Variants in TMEM132D observed in about 807,000 individuals in gnomAD.
TMEM132D encodes the protein transmembrane protein 132D.
In TMEM132D, 21 loss-of-function variants were observed where a neutral mutation model predicts 62.3. The ratio of observed to expected loss-of-function variants is 0.34; its 90% CI spans 0.24 to 0.49. The LOEUF is 0.49. Among genes scored for constraint, TMEM132D ranks in the 20% least tolerant of loss-of-function variants. The probability of loss-of-function intolerance (pLI) is 0.99; values close to 1 mark genes in which losing one functional copy is unlikely to be tolerated. For synonymous variants in TMEM132D, 621 were observed against 575.6 expected, an observed-to-expected ratio of 1.08 and a Z score of -1.13; for missense variants, 1,346 against 1,402.8, an observed-to-expected ratio of 0.96 and a Z score of 0.65.
chr12:129,687,437 T>C (rs766449361), intron 2 of TMEM132D, among the ~76,000 whole-genome samples: 3 of 151,916 alleles, frequency 2.0e-5, no homozygotes, highest in Non-Finnish European at 4.4e-5. Context: ...GCTCCCGGAA[T>C]TATCTGAGGA....
At position 129,078,741 on chromosome 12, in the gene TMEM132D, G is replaced by A. The variant is rs370931046; in HGVS notation, c.1924-16C>T. On this transcript the variant is annotated splice_polypyrimidine_tract_variant and intron_variant, in intron 7 of 8. Transcript: ENST00000422113. ...GAGACAGGATCTGGAGGGCAGAAGC[G>A]ACATGACAAGGAAAGGCTTTCTGTG... 1.1e-5 allele frequency: 18 copies of A among 1,608,578 alleles called. No individual in the cohort carries two copies. The East Asian group carries it at 1.6e-4, about 14-fold the overall frequency.
At chr12:129,338,648 C>T (rs961073524) in intron 3 of TMEM132D, among the ~76,000 whole-genome samples, 8 of 152,168 alleles carry the variant, frequency 5.3e-5, no homozygotes, top group African/African-American at 7.2e-5. Flanking sequence ...CAGAGGAATC[C>T]GCTGAGAGAG....
chr12:129,541,897 A>G (rs771577289), intron 2 of TMEM132D, among the ~76,000 whole-genome samples: 3 of 152,138 alleles, frequency 2.0e-5, no homozygotes, highest in Non-Finnish European at 2.9e-5. Flanking sequence ...ATAAAATTTT[A>G]CCCCTTTTCC....
In TMEM132D at chr12:129,614,313, G is replaced by A. The variant is rs117364321; in HGVS notation, c.969-83108C>T. Among the ~76,000 whole-genome samples, 1,060 of 152,364 alleles carry A rather than the reference G, an allele frequency of 7.0e-3. 7 individuals carry two copies. The highest frequency in any genetic ancestry group is 8.7e-3 in the Non-Finnish European group (594 of 68,032). ...ATCATTGGATGTCCAGAAGTAAGCTGTTTCTGAGATAGTTCCCATAGCTCA... is the reference window on the plus strand; with the variant it reads ...ATCATTGGATGTCCAGAAGTAAGCTATTTCTGAGATAGTTCCCATAGCTCA... On this transcript the variant is annotated intron_variant, in intron 2 of 8. Transcript: ENST00000422113.
At chr12:129,619,741 G>T (rs1879013572) in intron 2 of TMEM132D, among the ~76,000 whole-genome samples, 1 of 152,142 alleles carries the variant, frequency 6.6e-6, no homozygotes, top group Admixed American at 6.5e-5. Context: ...TTGGTTTAAA[G>T]GTCTCAATCA....
chr12:129,192,294 GTCTTCCT>G (rs1186092053), intron 5 of TMEM132D, among the ~76,000 whole-genome samples: 1 of 150,260 alleles, frequency 6.7e-6, no homozygotes, highest in African/African-American at 2.4e-5. Flanking sequence ...TCCACCGATT[GTCTTCCT>G]TGACTGTAGC....
At chr12:129,581,254 A>G (rs1021606992) in intron 2 of TMEM132D, among the ~76,000 whole-genome samples, 5 of 152,154 alleles carry the variant, frequency 3.3e-5, no homozygotes, top group Non-Finnish European at 7.3e-5. Flanking sequence ...TCCTCACCAG[A>G]AGCAGACGTT....
intron 4 of TMEM132D, among the ~76,000 whole-genome samples, chr12:129,217,748 T>C (rs1593299707): frequency 6.6e-6 from 1 of 152,212 alleles, no homozygotes; most frequent in East Asian, 1.9e-4. Context: ...TAGCTGTTAA[T>C]AGACATGAGA....
chr12:129,724,622 G>A (rs997487893), intron 1 of TMEM132D, among the ~76,000 whole-genome samples: 4 of 152,026 alleles, frequency 2.6e-5, no homozygotes, highest in South Asian at 2.1e-4. Context: ...TCCCTGGTTC[G>A]AGCGATTCTC....
At chr12:129,151,387 G>A (rs1268307955) in intron 5 of TMEM132D, among the ~76,000 whole-genome samples, 3 of 152,204 alleles carry the variant, frequency 2.0e-5, no homozygotes, top group Non-Finnish European at 4.4e-5. Flanking sequence ...GATACCCAGT[G>A]AGCATGATCA....
intron 1 of TMEM132D, among the ~76,000 whole-genome samples, chr12:129,715,961 G>C (rs1000184437): frequency 6.6e-6 from 1 of 152,172 alleles, no homozygotes; most frequent in Non-Finnish European, 1.5e-5. Context: ...GCCACGCAGA[G>C]AGGGTCACGA....
intron 2 of TMEM132D, among the ~76,000 whole-genome samples, chr12:129,560,801 C>T (rs919994948): frequency 2.0e-5 from 3 of 152,172 alleles, no homozygotes; most frequent in African/African-American, 2.4e-5. Context: ...GCTCTGCCAC[C>T]GGGAATGCTG....
chr12:129,809,720 A>T (rs980887097), intron 1 of TMEM132D, among the ~76,000 whole-genome samples: 5 of 152,210 alleles, frequency 3.3e-5, no homozygotes, highest in Non-Finnish European at 7.3e-5. Flanking sequence ...AAAAAGTCTA[A>T]TAATAAAAAA....
At chr12:129,358,885 G>A (rs1468153592) in intron 3 of TMEM132D, among the ~76,000 whole-genome samples, 1 of 152,128 alleles carries the variant, frequency 6.6e-6, no homozygotes, top group Non-Finnish European at 1.5e-5. Context: ...AACCCAGGTG[G>A]CTGAACTACC....
chr12:129,244,532 A>C (rs1024157851), intron 4 of TMEM132D, among the ~76,000 whole-genome samples: 20 of 152,204 alleles, frequency 1.3e-4, no homozygotes, highest in Non-Finnish European at 2.5e-4. Flanking sequence ...GTAAACACCC[A>C]TGCAAAGGCC....
chr12:129,310,999 C>A lies in TMEM132D; in HGVS notation c.1299+26635G>T, dbSNP rs538042118. Among the ~76,000 whole-genome samples, 95 of 140,884 alleles carry A rather than the reference C, an allele frequency of 6.7e-4. 12 individuals are homozygous for A. In the South Asian group the frequency reaches 0.014, roughly 21 times the overall value. The allele number at this position is 140,884 out of a possible 152,430, so 92.4% of individuals were successfully genotyped here. On this transcript the variant is annotated intron_variant, in intron 4 of 8. Transcript: ENST00000422113. ...GGATCACGAGGTCAGGAGATCGAGA[C>A]CATCCTGGCTAACACGGTGAAACCC...
At chr12:129,490,375 A>G (rs548896308) in intron 3 of TMEM132D, among the ~76,000 whole-genome samples, 2 of 147,602 alleles carry the variant, frequency 1.4e-5, no homozygotes, top group East Asian at 4.0e-4. Flanking sequence ...GGCCTTGATG[A>G]TATTATAAAT....
At chr12:129,219,417 T>A (rs534202221) in intron 4 of TMEM132D, among the ~76,000 whole-genome samples, 70 of 152,308 alleles carry the variant, frequency 4.6e-4, no homozygotes, top group African/African-American at 1.6e-3. Flanking sequence ...TTATTAGCAG[T>A]GTGAGAACAG....
intron 3 of TMEM132D, among the ~76,000 whole-genome samples, chr12:129,487,726 A>T (rs1043514592): frequency 4.6e-5 from 7 of 151,614 alleles, no homozygotes; most frequent in Admixed American, 2.0e-4. Context: ...AGGTCAGGAG[A>T]TCTCCTGAGA....
Sources: allele counts gnomAD v4.1 joint callset (sites outside exome capture counted in the v4.1 genomes callset), GRCh38; gene constraint gnomAD v4.1.1; transcripts MANE v1.5; gene names NCBI Gene and HGNC (gene_info 2026-07-23, HGNC 2026-07-21).